NTRK3: variants seen among roughly 807,000 people sequenced by gnomAD.
NTRK3 encodes the protein NT-3 growth factor receptor.
Under a neutral mutation model 91.7 loss-of-function variants are expected in NTRK3, and 24 were observed. The observed-to-expected ratio is 0.26, with a 90% confidence interval of 0.19 to 0.37. The LOEUF is 0.37. Among genes scored for constraint, NTRK3 ranks in the 10% least tolerant of loss-of-function variants. The probability of loss-of-function intolerance (pLI) is 1.00; values close to 1 mark genes in which losing one functional copy is unlikely to be tolerated. For missense variants in NTRK3, 880 were observed against 1,068.9 expected (o/e 0.82, Z 2.46); for synonymous variants, 483 against 404.0 (o/e 1.20, Z -2.34).
exon 19 of NTRK3, chr15:87,865,275 A>G (rs2064636359): frequency 4.8e-6 from 1 of 208,096 alleles, no homozygotes; most frequent in Non-Finnish European, 9.8e-6. Context: ...AGAAAATTTT[A>G]CTTGCCAAGT....
At chr15:88,048,339 A>T (rs2080449356) in intron 13 of NTRK3, among the ~76,000 whole-genome samples, 1 of 152,200 alleles carries the variant, frequency 6.6e-6, no homozygotes, top group South Asian at 2.1e-4. Context: ...GCAAAGTCCC[A>T]TATTCCTGAC....
intron 3 of NTRK3, among the ~76,000 whole-genome samples, chr15:88,239,662 AACAG>A (rs1241837500): frequency 6.6e-6 from 1 of 152,140 alleles, no homozygotes; most frequent in Non-Finnish European, 1.5e-5. Flanking sequence ...GGGAGAGAGA[AACAG>A]ACAGAGAACC....
intron 3 of NTRK3, among the ~76,000 whole-genome samples, chr15:88,231,923 AT>A (rs891480542): frequency 1.3e-5 from 2 of 152,002 alleles, no homozygotes; most frequent in Admixed American, 6.6e-5. Flanking sequence ...AGATACTTAA[AT>A]TTTTTTTGAG....
intron 13 of NTRK3, among the ~76,000 whole-genome samples, chr15:88,065,718 C>T (rs2046592933): frequency 6.6e-6 from 1 of 152,202 alleles, no homozygotes; most frequent in African/African-American, 2.4e-5. Context: ...TTTATGGGAA[C>T]CTCTCTTATG....
At chr15:87,886,766 T>TA (rs1397482585) in intron 17 of NTRK3, among the ~76,000 whole-genome samples, 3,392 of 141,214 alleles carry the variant, frequency 0.024, 122 homozygotes, top group African/African-American at 0.07. Context: ...ATATATATAT[T>TA]TCTATGCTGT....
At chr15:88,219,184 T>C (rs1277472364) in intron 3 of NTRK3, among the ~76,000 whole-genome samples, 4 of 152,020 alleles carry the variant, frequency 2.6e-5, no homozygotes, top group Admixed American at 2.6e-4. Context: ...ATTAGCAGAG[T>C]CCAACTTCCC....
intron 17 of NTRK3, among the ~76,000 whole-genome samples, chr15:87,908,218 G>A (rs1050031250): frequency 2.6e-5 from 4 of 152,120 alleles, no homozygotes; most frequent in African/African-American, 4.8e-5. Context: ...GAACTCCAGC[G>A]GCTCTCCCGG....
intron 6 of NTRK3, among the ~76,000 whole-genome samples, chr15:88,137,934 C>T (rs1409597254): frequency 1.3e-5 from 2 of 152,066 alleles, no homozygotes; most frequent in Admixed American, 1.3e-4. Context: ...GCCTGTAGTC[C>T]CAGCTACTCG....
At chr15:88,116,869 C>G (rs2052147725) in intron 13 of NTRK3, among the ~76,000 whole-genome samples, 1 of 152,204 alleles carries the variant, frequency 6.6e-6, no homozygotes, top group Admixed American at 6.5e-5. Flanking sequence ...TGCTTGTACC[C>G]CAATCACCCC....
chr15:88,153,804 G>A (rs1033756085), intron 5 of NTRK3, among the ~76,000 whole-genome samples: 30 of 151,768 alleles, frequency 2.0e-4, no homozygotes, highest in African/African-American at 7.3e-4. Flanking sequence ...CTCTTTTATA[G>A]AGCACTAATC....
intron 17 of NTRK3, among the ~76,000 whole-genome samples, chr15:87,881,378 A>G (rs1018406728): frequency 6.6e-6 from 1 of 151,884 alleles, no homozygotes; most frequent in Non-Finnish European, 1.5e-5. Context: ...CGGATGAGGT[A>G]TTACTTAAAG....
chr15:88,130,496 G>C (rs2041222502), intron 10 of NTRK3, among the ~76,000 whole-genome samples: 1 of 152,062 alleles, frequency 6.6e-6, no homozygotes, highest in South Asian at 2.1e-4. Flanking sequence ...TTGCAGCAGA[G>C]AAACCTGGCA....
chr15:87,861,156 A>G (rs1002821872), exon 19 of NTRK3: 5 of 225,034 alleles, frequency 2.2e-5, no homozygotes, highest in Non-Finnish European at 4.4e-5. Flanking sequence ...TTATGCAAAC[A>G]TTGGGAAACA....
intron 13 of NTRK3, among the ~76,000 whole-genome samples, chr15:88,044,695 T>G (rs540215770): frequency 2.3e-4 from 35 of 152,166 alleles, no homozygotes; most frequent in African/African-American, 7.5e-4. Flanking sequence ...GGCCTGAATT[T>G]ACAGTTAGCT....
chr15:87,974,252 A>G (rs1567170823), intron 14 of NTRK3, among the ~76,000 whole-genome samples: 1 of 152,164 alleles, frequency 6.6e-6, no homozygotes, highest in Non-Finnish European at 1.5e-5. Context: ...TTCCCGCACA[A>G]AAGAAGAGAC....
chr15:88,190,743 G>A (rs1381518373), intron 3 of NTRK3, among the ~76,000 whole-genome samples: 2 of 152,160 alleles, frequency 1.3e-5, no homozygotes, highest in South Asian at 2.1e-4. Flanking sequence ...GATGCCTTCA[G>A]GCCAGTTACT....
intron 15 of NTRK3, among the ~76,000 whole-genome samples, chr15:87,936,058 G>A (rs1001713219): frequency 3.9e-5 from 6 of 152,202 alleles, no homozygotes; most frequent in Non-Finnish European, 7.3e-5. Context: ...ATAATGAGGA[G>A]GAAAATAGGG....
intron 14 of NTRK3, among the ~76,000 whole-genome samples, chr15:88,001,200 T>A (rs2076075587): frequency 1.3e-5 from 2 of 152,218 alleles, no homozygotes; most frequent in Admixed American, 6.5e-5. Flanking sequence ...GTTGTCTTTT[T>A]ATTGAGTTGT....
chr15:88,108,525 A>G (rs1411340986), intron 13 of NTRK3, among the ~76,000 whole-genome samples: 2 of 152,210 alleles, frequency 1.3e-5, no homozygotes, highest in African/African-American at 4.8e-5. Flanking sequence ...TACCCTCTCC[A>G]ACTGACAGAA....
Sources: allele counts gnomAD v4.1 joint callset (sites outside exome capture counted in the v4.1 genomes callset), GRCh38; gene constraint gnomAD v4.1.1; transcripts MANE v1.5; gene names NCBI Gene and HGNC (gene_info 2026-07-23, HGNC 2026-07-21).